WWOX: variants seen among roughly 807,000 people sequenced by gnomAD.
The protein encoded by WWOX is WW domain containing oxidoreductase.
A neutral mutation model predicts 46.2 loss-of-function variants in WWOX; 69 were observed. The observed-to-expected ratio is 1.49, with a 90% CI of 1.23 to 1.82. The LOEUF (loss-of-function observed/expected upper bound fraction) is 1.82, where lower values mean the gene tolerates loss of function less well. Among genes scored for constraint, WWOX ranks in the 40% most tolerant of loss-of-function variants. The pLI is 0.00. For synonymous variants in WWOX, 359 were observed against 202.6 expected, an observed-to-expected ratio of 1.77 and a Z score of -6.56; for missense variants, 919 against 542.6, an observed-to-expected ratio of 1.69 and a Z score of -6.89.
intron 5 of WWOX, among the ~76,000 whole-genome samples, chr16:78,260,936 CAAAAAAA>C: frequency 1.6e-5 from 1 of 63,030 alleles, no homozygotes; most frequent in African/African-American, 5.4e-5. Context: ...GACTCCATCT[CAAAAAAA>C]AAAAAAAAAA....
chr16:78,822,196 C>CA (rs1450977442), intron 8 of WWOX, among the ~76,000 whole-genome samples: 3 of 151,706 alleles, frequency 2.0e-5, no homozygotes, highest in East Asian at 3.9e-4. Context: ...TCTTTAGTGT[C>CA]AAAAAATCTA....
Position 78,696,668 on chromosome 16 carries a change from T to A in WWOX, c.1056+263916T>A, listed in dbSNP as rs1004872128. Reference sequence around the variant, plus strand: ...TTTTTTATATTTTCTTTAATTTTTTTAAATTTCCACCTGTTTTGGGGGGGG... The same window carrying A: ...TTTTTTATATTTTCTTTAATTTTTTAAAATTTCCACCTGTTTTGGGGGGGG... On this transcript the variant is annotated intron_variant, in intron 8 of 8. Coordinates refer to ENST00000566780, the MANE Select transcript of WWOX (RefSeq NM_016373.4). Among the ~76,000 whole-genome samples the A allele has an allele frequency of 6.1e-4, 93 of 151,816 alleles. No homozygotes were observed. The Middle Eastern group carries it at 0.01, about 17-fold the overall frequency.
intron 5 of WWOX, among the ~76,000 whole-genome samples, chr16:78,191,919 T>C (rs2035894874): frequency 6.6e-6 from 1 of 152,232 alleles, no homozygotes; most frequent in Non-Finnish European, 1.5e-5. Context: ...TTTCATTACA[T>C]TGAAAGTATG....
rs2046960774 is a variant in WWOX at position 78,994,983 on chromosome 16, T to TA, written c.1057-216625_1057-216624insA. Among the ~76,000 whole-genome samples, 2 of 146,394 alleles carry TA rather than the reference T, an allele frequency of 1.4e-5. 1 individual carries two copies. The highest frequency in any genetic ancestry group is 3.0e-5 in the Non-Finnish European group (2 of 66,756). The stretch of plus-strand genomic sequence containing the variant: ...TTCTTCTTCTTCTTTTTTTTTTTTT[T>TA]TTTTTGTTTTTCCTCCCAGCCTCTC... On this transcript the variant is annotated intron_variant, in intron 8 of 8. Coordinates refer to ENST00000566780, the MANE Select transcript of WWOX (RefSeq NM_016373.4).
intron 8 of WWOX, among the ~76,000 whole-genome samples, chr16:78,741,577 G>C (rs57612022): frequency 1.3e-5 from 2 of 148,894 alleles, no homozygotes; most frequent in East Asian, 4.0e-4. Flanking sequence ...ATATCTGGCT[G>C]GGCACAGTGG....
intron 8 of WWOX, among the ~76,000 whole-genome samples, chr16:78,758,674 T>A (rs954740508): frequency 3.3e-5 from 5 of 152,190 alleles, no homozygotes; most frequent in African/African-American, 1.2e-4. Context: ...GTTCCAATCG[T>A]GTCCCCTTTC....
At chr16:78,224,615 G>A (rs1042012498) in intron 5 of WWOX, among the ~76,000 whole-genome samples, 1 of 152,118 alleles carries the variant, frequency 6.6e-6, no homozygotes, top group African/African-American at 2.4e-5. Context: ...TATTGTAAGT[G>A]GAATTGCAAT....
intron 8 of WWOX, among the ~76,000 whole-genome samples, chr16:78,605,970 G>A (rs1567431322): frequency 6.6e-6 from 1 of 152,174 alleles, no homozygotes; most frequent in South Asian, 2.1e-4. Flanking sequence ...AATTGAATGG[G>A]CAGCTTTGGC....
chr16:79,059,816 C>T (rs907940466), intron 8 of WWOX, among the ~76,000 whole-genome samples: 1 of 152,204 alleles, frequency 6.6e-6, no homozygotes, highest in Non-Finnish European at 1.5e-5. Context: ...TCAGAGACAA[C>T]ATTACCCTCT....
chr16:79,126,536 G>T (rs548636079), intron 8 of WWOX, among the ~76,000 whole-genome samples: 1 of 152,208 alleles, frequency 6.6e-6, no homozygotes, highest in African/African-American at 2.4e-5. Context: ...GAAGGTTCTT[G>T]CTTCCCCTTC....
intron 8 of WWOX, among the ~76,000 whole-genome samples, chr16:78,758,893 C>G (rs1167994684): frequency 1.4e-5 from 2 of 145,130 alleles, no homozygotes; most frequent in Non-Finnish European, 3.0e-5. Context: ...ATCTTCTTCC[C>G]AAGCCAGCAT....
chr16:78,259,949 A>T (rs1169196709), intron 5 of WWOX, among the ~76,000 whole-genome samples: 1 of 151,324 alleles, frequency 6.6e-6, no homozygotes, highest in Non-Finnish European at 1.5e-5. Context: ...ACTGCATAGG[A>T]TAAAATCCTA....
chr16:79,048,338 A>C (rs565592938), intron 8 of WWOX, among the ~76,000 whole-genome samples: 1 of 152,088 alleles, frequency 6.6e-6, no homozygotes, highest in African/African-American at 2.4e-5. Context: ...CCCCACACAC[A>C]TGCCGGTGCA....
At chr16:78,759,815 G>C (rs1042255616) in intron 8 of WWOX, among the ~76,000 whole-genome samples, 10 of 152,182 alleles carry the variant, frequency 6.6e-5, no homozygotes, top group Non-Finnish European at 1.5e-5. Context: ...GTTTTATGGA[G>C]TGAAAATCAA....
At chr16:78,884,614 T>C (rs2044414498) in intron 8 of WWOX, among the ~76,000 whole-genome samples, 1 of 152,218 alleles carries the variant, frequency 6.6e-6, no homozygotes, top group Non-Finnish European at 1.5e-5. Context: ...CCTATGTGAT[T>C]ATAGTTACAA....
intron 8 of WWOX, 102 bp from the exon 9 acceptor site, chr16:79,211,506 A>G (rs372222600): frequency 4.9e-5 from 72 of 1,477,076 alleles, no homozygotes; most frequent in Admixed American, 3.5e-4. Flanking sequence ...CTGAAACTGA[A>G]CCAGGTGGGG....
intron 8 of WWOX, among the ~76,000 whole-genome samples, chr16:78,893,138 C>G (rs956350772): frequency 6.6e-6 from 1 of 151,868 alleles, no homozygotes; most frequent in Non-Finnish European, 1.5e-5. Flanking sequence ...AGGAGGCTCT[C>G]CAGGCTGACA....
At chr16:79,206,112 C>T (rs924713730) in intron 8 of WWOX, 6 of 152,088 alleles carry the variant, frequency 3.9e-5, no homozygotes, top group Middle Eastern at 3.2e-3. Flanking sequence ...AATTTAGCTC[C>T]ATGAGTAAAT....
intron 8 of WWOX, among the ~76,000 whole-genome samples, chr16:79,034,776 C>T (rs1336871379): frequency 6.6e-6 from 1 of 152,054 alleles, no homozygotes; most frequent in Non-Finnish European, 1.5e-5. Context: ...CTTGGAATGC[C>T]ATAAATTACA....
Sources: gnomAD v4.1 joint callset for allele counts (sites outside exome capture counted in the v4.1 genomes callset) on GRCh38, gnomAD v4.1.1 for gene constraint, MANE v1.5 for transcripts, NCBI Gene and HGNC (gene_info 2026-07-23, HGNC 2026-07-21) for gene names.